UMAD1: variants seen among roughly 807,000 people sequenced by gnomAD.
UMAD1 encodes the protein UBAP1-MVB12-associated (UMA) domain containing 1.
Under a neutral mutation model 6.1 loss-of-function variants are expected in UMAD1, and 8 were observed. The observed-to-expected ratio is 1.30, with a 90% confidence interval of 0.76 to 2.35. UMAD1 has a LOEUF of 2.35. Among genes scored for constraint, UMAD1 ranks in the 30% most tolerant of loss-of-function variants. UMAD1 has a pLI of 0.00. For missense variants in UMAD1, 130 were observed against 78.4 expected, an observed-to-expected ratio of 1.66 and a Z score of -2.49; for synonymous variants, 56 against 31.4, an observed-to-expected ratio of 1.78 and a Z score of -2.61.
intron 2 of UMAD1, among the ~76,000 whole-genome samples, chr7:7,698,372 A>G (rs530424535): frequency 2.0e-5 from 3 of 152,348 alleles, no homozygotes; most frequent in African/African-American, 2.4e-5. Context: ...CATCTCTGCC[A>G]TCAATTTCAA....
intron 3 of UMAD1, among the ~76,000 whole-genome samples, chr7:7,819,031 G>A (rs1250293793): frequency 6.6e-6 from 1 of 152,032 alleles, no homozygotes; most frequent in Non-Finnish European, 1.5e-5. Context: ...TGTATTTTTA[G>A]TAGAGACGGG....
intron 2 of UMAD1, among the ~76,000 whole-genome samples, chr7:7,721,803 G>T (rs903763595): frequency 6.6e-6 from 1 of 152,180 alleles, no homozygotes; most frequent in African/African-American, 2.4e-5. Flanking sequence ...ATTGAAGGAT[G>T]CAAAGTATTG....
intron 1 of UMAD1, among the ~76,000 whole-genome samples, chr7:7,643,436 C>T (rs936965140): frequency 7.2e-5 from 11 of 152,174 alleles, no homozygotes; most frequent in Admixed American, 6.5e-5. Flanking sequence ...CAGGGCCGGG[C>T]GCGGTGGCTC....
chr7:7,799,432 C>T (rs1782754422), intron 2 of UMAD1, among the ~76,000 whole-genome samples: 1 of 152,164 alleles, frequency 6.6e-6, no homozygotes, highest in African/African-American at 2.4e-5. Context: ...GTTTTTCAAG[C>T]AGCAGGGAGA....
intron 2 of UMAD1, chr7:7,689,365 C>G (rs1446677739): frequency 6.6e-6 from 1 of 152,108 alleles, no homozygotes; most frequent in Non-Finnish European, 1.5e-5. Flanking sequence ...GGTCACATGT[C>G]GAAGATGGCA....
At chr7:7,719,190 A>G (rs1461499031) in intron 2 of UMAD1, among the ~76,000 whole-genome samples, 1 of 152,230 alleles carries the variant, frequency 6.6e-6, no homozygotes, top group Non-Finnish European at 1.5e-5. Context: ...AGATACAATG[A>G]TGAAATATGA....
intron 3 of UMAD1, among the ~76,000 whole-genome samples, chr7:7,804,112 G>C (rs1310776260): frequency 6.6e-6 from 1 of 152,136 alleles, no homozygotes; most frequent in African/African-American, 2.4e-5. Context: ...TACTCATGCA[G>C]TAACAGATGT....
At chr7:7,781,487 A>G (rs1328863826) in intron 2 of UMAD1, among the ~76,000 whole-genome samples, 2 of 151,994 alleles carry the variant, frequency 1.3e-5, no homozygotes, top group African/African-American at 2.4e-5. Context: ...AAAATGTCAT[A>G]TTTATATGTT....
At chr7:7,802,394 T>C (rs1782821916) in intron 3 of UMAD1, among the ~76,000 whole-genome samples, 1 of 145,966 alleles carries the variant, frequency 6.9e-6, no homozygotes, top group African/African-American at 2.6e-5. Flanking sequence ...AAAAAAAAAA[T>C]CCATTCAAAA....
intron 2 of UMAD1, among the ~76,000 whole-genome samples, chr7:7,680,062 C>T (rs1369234846): frequency 1.3e-5 from 2 of 151,866 alleles, no homozygotes; most frequent in Non-Finnish European, 2.9e-5. Context: ...CCCATTTGTC[C>T]ATTTTTGCTT....
rs75967892 is a variant in UMAD1, at chr7:7,695,908, G to A, written c.82+22455G>A. 2.1e-3 allele frequency among the ~76,000 whole-genome samples: 312 copies of A among 151,776 alleles called. 9 individuals carry two copies. In the East Asian group the frequency reaches 0.055, roughly 27 times the overall value. The stretch of plus-strand genomic sequence containing the variant: ...GATTTAGTATCCAACCATGGCAGGA[G>A]TGTGAAACAGTGAGATGGATCATTG... On this transcript the variant is annotated intron_variant, in intron 2 of 3. Transcript: ENST00000682710.
intron 2 of UMAD1, among the ~76,000 whole-genome samples, chr7:7,710,519 C>T (rs1230006889): frequency 1.3e-5 from 2 of 152,048 alleles, no homozygotes; most frequent in Non-Finnish European, 2.9e-5. Flanking sequence ...TCTCTACAAA[C>T]CTGTATCAGA....
intron 2 of UMAD1, among the ~76,000 whole-genome samples, chr7:7,797,870 T>C (rs891131796): frequency 6.6e-6 from 1 of 151,990 alleles, no homozygotes; most frequent in Non-Finnish European, 1.5e-5. Context: ...TGTATTTTTG[T>C]TAGAGATGGT....
intron 2 of UMAD1, among the ~76,000 whole-genome samples, chr7:7,674,376 A>C (rs1779686756): frequency 6.6e-6 from 1 of 152,118 alleles, no homozygotes; most frequent in Non-Finnish European, 1.5e-5. Flanking sequence ...TTTCCCTTAG[A>C]TTTAAGGGTA....
chr7:7,834,451 G>C (rs1185493090), intron 3 of UMAD1, among the ~76,000 whole-genome samples: 8 of 152,104 alleles, frequency 5.3e-5, no homozygotes, highest in Admixed American at 3.3e-4. Context: ...GTCTGCTCAG[G>C]CTGCTGTAAC....
intron 3 of UMAD1, among the ~76,000 whole-genome samples, chr7:7,848,578 A>G (rs561004351): frequency 6.6e-6 from 1 of 152,276 alleles, no homozygotes; most frequent in Admixed American, 6.5e-5. Flanking sequence ...CAAGCTTACT[A>G]TTATTGAAAT....
At chr7:7,719,323 A>G (rs1780995303) in intron 2 of UMAD1, among the ~76,000 whole-genome samples, 2 of 152,190 alleles carry the variant, frequency 1.3e-5, no homozygotes, top group African/African-American at 4.8e-5. Flanking sequence ...ATTAAACTGG[A>G]GCAATATAAT....
chr7:7,723,019 C>G (rs4493819), intron 2 of UMAD1, among the ~76,000 whole-genome samples: 1 of 135,666 alleles, frequency 7.4e-6, no homozygotes, highest in African/African-American at 2.8e-5. Flanking sequence ...CCTGCACTGC[C>G]TGAGGCAACA....
At chr7:7,682,662 G>A (rs1354142736) in intron 2 of UMAD1, among the ~76,000 whole-genome samples, 1 of 152,182 alleles carries the variant, frequency 6.6e-6, no homozygotes, top group Non-Finnish European at 1.5e-5. Flanking sequence ...TACAAAAAAT[G>A]TATACCAGAT....
Sources: gnomAD v4.1 joint callset for allele counts (sites outside exome capture counted in the v4.1 genomes callset) on GRCh38, gnomAD v4.1.1 for gene constraint, MANE v1.5 for transcripts, NCBI Gene and HGNC (gene_info 2026-07-23, HGNC 2026-07-21) for gene names.